Variants in CLASP1 observed in about 807,000 individuals in gnomAD.
The protein encoded by CLASP1 is CLIP-associating protein 1.
In CLASP1, 38 loss-of-function variants were observed where a neutral mutation model predicts 192.3. That is an observed-to-expected ratio of 0.20 (90% CI 0.15 to 0.26). CLASP1 has a LOEUF of 0.26. CLASP1 is among the 10% of genes least tolerant of loss of function. CLASP1 has a pLI of 1.00. For missense variants in CLASP1, 1,433 were observed against 1,932.5 expected (o/e 0.74, Z 4.85); for synonymous variants, 691 against 712.8 (o/e 0.97, Z 0.49).
intron 1 of CLASP1, among the ~76,000 whole-genome samples, chr2:121,629,790 T>G (rs2069137224): frequency 6.6e-6 from 1 of 151,852 alleles, no homozygotes; most frequent in South Asian, 2.1e-4. Context: ...AAACTCCATC[T>G]CAAAAAAAAT....
At chr2:121,528,569 G>A (rs770687953) in intron 4 of CLASP1, 108 bp downstream of exon 4, 7 of 823,786 alleles carry the variant, frequency 8.5e-6, no homozygotes, top group South Asian at 1.4e-5. Context: ...TAATACATCA[G>A]CTTAAGTCTA....
chr2:121,377,123 C>T (rs1428431176), intron 34 of CLASP1, among the ~76,000 whole-genome samples: 1 of 152,150 alleles, frequency 6.6e-6, no homozygotes, highest in Non-Finnish European at 1.5e-5. Flanking sequence ...TTCCTGGTGC[C>T]AAAAAGGTTG....
intron 2 of CLASP1, chr2:121,530,885 T>A (rs1208611147): frequency 5.8e-6 from 4 of 692,916 alleles, no homozygotes; most frequent in Non-Finnish European, 2.6e-6. Flanking sequence ...ATTATAACCA[T>A]CCTTTTCTTG....
At chr2:121,444,265 C>A (rs2083910662) in intron 19 of CLASP1, among the ~76,000 whole-genome samples, 1 of 151,996 alleles carries the variant, frequency 6.6e-6, no homozygotes, top group Non-Finnish European at 1.5e-5. Context: ...TTTCTTACAG[C>A]ATTACTATAT....
intron 33 of CLASP1, among the ~76,000 whole-genome samples, chr2:121,378,582 T>A (rs1404372097): frequency 6.6e-6 from 1 of 152,044 alleles, no homozygotes. Flanking sequence ...AAGCATGGGA[T>A]GGATATATCA....
At position 121,614,429 on chromosome 2, in the gene CLASP1, G is replaced by A. The variant is rs968439643; in HGVS notation, c.-285-8249C>T. Reference sequence around the variant, plus strand: ...GGAAATCACTTGAGCCTGGGAGGCAGAGTTTGTGGTGAGCTGAGATCACAC... The same window carrying A: ...GGAAATCACTTGAGCCTGGGAGGCAAAGTTTGTGGTGAGCTGAGATCACAC... On this transcript the variant is annotated intron_variant, in intron 1 of 39. Transcript: ENST00000263710. Among the ~76,000 whole-genome samples the A allele has an allele frequency of 2.6e-5, 4 of 152,160 alleles. No individual in the cohort carries two copies. In the East Asian group the frequency reaches 7.7e-4, roughly 29 times the overall value.
intron 8 of CLASP1, among the ~76,000 whole-genome samples, chr2:121,502,749 C>T (rs957577681): frequency 1.3e-5 from 2 of 152,104 alleles, no homozygotes; most frequent in Non-Finnish European, 2.9e-5. Flanking sequence ...ATTAACACCA[C>T]CCGACTTGTA....
chr2:121,371,563 T>C (rs1174220795), intron 34 of CLASP1, among the ~76,000 whole-genome samples: 1 of 152,094 alleles, frequency 6.6e-6, no homozygotes, highest in African/African-American at 2.4e-5. Flanking sequence ...CGCATCCATC[T>C]TTTCTACTGT....
chr2:121,526,077 T>C (rs2094566811), intron 5 of CLASP1, 157 bp from the exon 6 acceptor site: 2 of 627,592 alleles, frequency 3.2e-6, no homozygotes, highest in South Asian at 3.7e-5. Flanking sequence ...CCAAAGTAAA[T>C]GTGTCCGATG....
At chr2:121,382,370 C>G in intron 32 of CLASP1, 46 bp from the exon 34 acceptor site, 1 of 1,230,374 alleles carries the variant, frequency 8.1e-7, no homozygotes, top group Admixed American at 2.6e-5. Context: ...ATACAAAAAG[C>G]AAAGGGGAGG....
intron 2 of CLASP1, among the ~76,000 whole-genome samples, chr2:121,594,961 T>C (rs1206045301): frequency 6.6e-6 from 1 of 152,132 alleles, no homozygotes; most frequent in Non-Finnish European, 1.5e-5. Flanking sequence ...AAATAAAAAG[T>C]TTAAAAAGTA....
intron 19 of CLASP1, among the ~76,000 whole-genome samples, chr2:121,438,146 G>A (rs1219198617): frequency 6.6e-6 from 1 of 152,108 alleles, no homozygotes; most frequent in African/African-American, 2.4e-5. Flanking sequence ...GAACCCCGAG[G>A]AATTAGATTT....
At chr2:121,508,957 T>C (rs910205797) in intron 7 of CLASP1, among the ~76,000 whole-genome samples, 41 of 152,230 alleles carry the variant, frequency 2.7e-4, no homozygotes, top group African/African-American at 8.7e-4. Context: ...TATAAACATA[T>C]ATGCACCTAA....
At chr2:121,540,912 G>A (rs2095219364) in intron 2 of CLASP1, among the ~76,000 whole-genome samples, 1 of 152,158 alleles carries the variant, frequency 6.6e-6, no homozygotes, top group Non-Finnish European at 1.5e-5. Flanking sequence ...GAGTCCTGGT[G>A]GCGATGTCCT....
chr2:121,397,798 AT>A (rs1269304849), intron 29 of CLASP1, among the ~76,000 whole-genome samples: 2 of 152,246 alleles, frequency 1.3e-5, no homozygotes, highest in Non-Finnish European at 2.9e-5. Context: ...CAAAAAGTTA[AT>A]GATCAAAGAA....
intron 33 of CLASP1, among the ~76,000 whole-genome samples, chr2:121,380,441 A>G (rs978650991): frequency 1.3e-5 from 2 of 152,172 alleles, no homozygotes; most frequent in African/African-American, 4.8e-5. Flanking sequence ...TTTTTAGATT[A>G]GGGAGAATTC....
intron 1 of CLASP1, among the ~76,000 whole-genome samples, chr2:121,643,214 C>A (rs1308004885): frequency 6.6e-6 from 1 of 152,024 alleles, no homozygotes; most frequent in East Asian, 1.9e-4. Flanking sequence ...TACTTTTTTT[C>A]TATTCTTTTC....
At chr2:121,408,209 C>A (rs1401971962) in intron 24 of CLASP1, among the ~76,000 whole-genome samples, 1 of 152,222 alleles carries the variant, frequency 6.6e-6, no homozygotes, top group Non-Finnish European at 1.5e-5. Context: ...ATCTTGAGCA[C>A]AGTCTATGGG....
chr2:121,380,435 T>C (rs186835711), intron 33 of CLASP1, among the ~76,000 whole-genome samples: 32 of 152,300 alleles, frequency 2.1e-4, no homozygotes, highest in Admixed American at 9.2e-4. Context: ...TAGGGTTTTT[T>C]AGATTAGGGA....
Sources: gnomAD v4.1 joint callset for allele counts (sites outside exome capture counted in the v4.1 genomes callset) on GRCh38, gnomAD v4.1.1 for gene constraint, MANE v1.5 for transcripts, NCBI Gene and HGNC (gene_info 2026-07-23, HGNC 2026-07-21) for gene names.